The following GLIPR1L2 variants were observed in gnomAD, a reference collection of about 807,000 sequenced individuals.
GLIPR1L2 encodes GLIPR1 like 2, also known as GLIPR1-like protein 2.
In GLIPR1L2, 21 loss-of-function variants were observed where a neutral mutation model predicts 28.4. The ratio of observed to expected loss-of-function variants is 0.74; its 90% CI spans 0.52 to 1.06. The LOEUF (loss-of-function observed/expected upper bound fraction) is 1.06, where lower values mean the gene tolerates loss of function less well. GLIPR1L2 is among the 50% of genes least tolerant of loss of function. The pLI, the probability that GLIPR1L2 is intolerant of heterozygous loss-of-function variation, is 0.00. For missense variants in GLIPR1L2, 476 were observed against 416.9 expected, an observed-to-expected ratio of 1.14 and a Z score of -1.23; for synonymous variants, 145 against 139.3, an observed-to-expected ratio of 1.04 and a Z score of -0.29.
rs749911675 is a variant in GLIPR1L2, at chr12:75,391,246, T to A, written c.130T>A (p.Phe44Ile). The change falls in exon 1 of 6, where the codon TTT (phenylalanine) becomes ATT (isoleucine). Residue 44 changes from phenylalanine (F) to isoleucine (I), a missense_variant. Coordinates refer to ENST00000550916, the MANE Select transcript of GLIPR1L2 (RefSeq NM_001270396.2). ...LLLGSSLNAR[F>I]LPDEEDVDFI... is the part of the protein sequence containing the mutation. ...ACTGGGTTCTAGTTTGAACGCCAGA[T>A]TTTTGCCAGACGAGGAGGACGTAGA... 6.2e-7 allele frequency: 1 copy of A among 1,614,174 alleles called. No individual in the cohort carries two copies. The highest frequency in any genetic ancestry group is 1.1e-5 in the South Asian group (1 of 91,088).
At chr12:75,413,740 G>A in intron 3 of GLIPR1L2, 39 bp downstream of exon 3, 1 of 1,022,154 alleles carries the variant, frequency 9.8e-7, no homozygotes, top group East Asian at 2.7e-5. Context: ...ATAAAAATCA[G>A]AATATTTCAA....
At chr12:75,425,151 T>G (rs899165903) in intron 4 of GLIPR1L2, among the ~76,000 whole-genome samples, 1 of 152,032 alleles carries the variant, frequency 6.6e-6, no homozygotes, top group African/African-American at 2.4e-5. Context: ...AAGATGTCCA[T>G]GCAGGGATGA....
chr12:75,418,535 A>G (rs151261959), intron 3 of GLIPR1L2, among the ~76,000 whole-genome samples: 77 of 152,238 alleles, frequency 5.1e-4, no homozygotes, highest in African/African-American at 1.7e-3. Flanking sequence ...CAAATATCAG[A>G]TGGTTGTAGA....
intron 1 of GLIPR1L2, among the ~76,000 whole-genome samples, chr12:75,405,679 A>G (rs371776791): frequency 3.1e-4 from 47 of 152,186 alleles, no homozygotes; most frequent in African/African-American, 1.1e-3. Context: ...CACTTTCATG[A>G]GAACAGTTTG....
At chr12:75,401,137 A>G (rs2139925813) in intron 1 of GLIPR1L2, among the ~76,000 whole-genome samples, 1 of 151,998 alleles carries the variant, frequency 6.6e-6, no homozygotes, top group South Asian at 2.1e-4. Flanking sequence ...GGAGGGAAAA[A>G]TAGGAAATGA....
At position 75,417,486 on chromosome 12, in the gene GLIPR1L2, G is replaced by C. The variant is rs544549649; in HGVS notation, c.584+3785G>C. 2.3e-3 allele frequency among the ~76,000 whole-genome samples: 345 copies of C among 152,210 alleles called. 1 individual carries two copies. Among genetic ancestry groups the C allele is most frequent in the Middle Eastern group, 0.017 (5 of 294 alleles). ...GTGGTAATTTGTTAATATAGTTACA[G>C]AAAATTAATGCAGAATGGAAGAATA... On this transcript the variant is annotated intron_variant, in intron 3 of 5. Transcript: ENST00000550916.
chr12:75,414,385 A>T (rs1040405092), intron 3 of GLIPR1L2, among the ~76,000 whole-genome samples: 1 of 152,080 alleles, frequency 6.6e-6, no homozygotes, highest in African/African-American at 2.4e-5. Flanking sequence ...GTTTGAATTA[A>T]CATCTTAAAT....
chr12:75,425,732 C>T (rs914278807), intron 4 of GLIPR1L2, among the ~76,000 whole-genome samples: 1 of 151,990 alleles, frequency 6.6e-6, no homozygotes, highest in African/African-American at 2.4e-5. Flanking sequence ...GAGGAGGGCA[C>T]CTATGCGTGC....
intron 1 of GLIPR1L2, among the ~76,000 whole-genome samples, chr12:75,398,270 A>G (rs1284176553): frequency 1.4e-5 from 2 of 138,148 alleles, no homozygotes; most frequent in African/African-American, 2.7e-5. Flanking sequence ...CAGAGGTTGC[A>G]GTGAGCTGAG....
intron 4 of GLIPR1L2, among the ~76,000 whole-genome samples, chr12:75,427,440 A>T (rs1430410047): frequency 3.3e-5 from 5 of 152,340 alleles, no homozygotes; most frequent in Middle Eastern, 3.4e-3. Flanking sequence ...CAAAAGGCTA[A>T]AATAACGGCA....
At chr12:75,403,633 T>C (rs1187809491) in intron 1 of GLIPR1L2, among the ~76,000 whole-genome samples, 1 of 152,168 alleles carries the variant, frequency 6.6e-6, no homozygotes, top group African/African-American at 2.4e-5. Context: ...CTCTGCACAC[T>C]GGCTCCTCTA....
At chr12:75,422,584 G>T (rs113151764) in intron 3 of GLIPR1L2, among the ~76,000 whole-genome samples, 69 of 152,292 alleles carry the variant, frequency 4.5e-4, no homozygotes, top group African/African-American at 1.6e-3. Flanking sequence ...TTACGGGCAT[G>T]AGCCACCGCG....
At chr12:75,408,861 A>G (rs1396957810) in intron 1 of GLIPR1L2, among the ~76,000 whole-genome samples, 1 of 152,000 alleles carries the variant, frequency 6.6e-6, no homozygotes, top group Non-Finnish European at 1.5e-5. Flanking sequence ...ATATGTTTGT[A>G]GATACAGAGA....
intron 4 of GLIPR1L2, among the ~76,000 whole-genome samples, chr12:75,430,395 T>A (rs2046079362): frequency 6.6e-6 from 1 of 152,168 alleles, no homozygotes. Flanking sequence ...TATTGTAGAA[T>A]CCTAGAATGT....
At chr12:75,414,724 G>T (rs2045907414) in intron 3 of GLIPR1L2, among the ~76,000 whole-genome samples, 1 of 152,006 alleles carries the variant, frequency 6.6e-6, no homozygotes, top group African/African-American at 2.4e-5. Context: ...ACTACTGATT[G>T]GTCTTGCAGA....
rs1057173243 is a variant in GLIPR1L2, at chr12:75,407,566, T to C, written c.235-2868T>C. Among the ~76,000 whole-genome samples the C allele has an allele frequency of 2.0e-5, 3 of 152,090 alleles. No homozygotes were observed. The South Asian group carries it at 6.2e-4, about 32-fold the overall frequency. ...GATTAAGATAAATGTCAGGGAAAAT[T>C]GTGAAATACAATATTTTGTGCACTG... On this transcript the variant is annotated intron_variant, in intron 1 of 5. Coordinates refer to ENST00000550916, the MANE Select transcript of GLIPR1L2 (RefSeq NM_001270396.2).
intron 2 of GLIPR1L2, among the ~76,000 whole-genome samples, chr12:75,412,952 CCAA>C (rs1350019930): frequency 6.6e-6 from 1 of 151,912 alleles, no homozygotes; most frequent in African/African-American, 2.4e-5. Flanking sequence ...ACCCAAATGT[CCAA>C]CAACGATAGA....
In GLIPR1L2 at chr12:75,431,120, G is replaced by A. The variant is rs770972888; in HGVS notation, c.994G>A (p.Glu332Lys). The A allele has an allele frequency of 2.1e-6, 2 of 948,840 alleles. No individual in the cohort carries two copies. Among genetic ancestry groups the A allele is most frequent in the Non-Finnish European group, 3.2e-6 (2 of 622,506 alleles). The allele number at this position is 948,840 out of a possible 1,614,324, so 58.8% of individuals were successfully genotyped here. The change falls in exon 6 of 6, where the codon GAG (glutamate) becomes AAG (lysine). Residue 332 changes from glutamate to lysine, a missense_variant. Coordinates refer to ENST00000550916, the MANE Select transcript of GLIPR1L2 (RefSeq NM_001270396.2). ...EEKEEREEEE[E>K]ETQKEKMEEE... is the part of the protein sequence containing the mutation. Reference sequence around the variant, plus strand: ...AAAAGAAGAGAGAGAGGAGGAGGAGGAGGAAACACAAAAAGAAAAGATGGA... The same window carrying A: ...AAAAGAAGAGAGAGAGGAGGAGGAGAAGGAAACACAAAAAGAAAAGATGGA...
chr12:75,416,221 G>T (rs2045922181), intron 3 of GLIPR1L2, among the ~76,000 whole-genome samples: 1 of 152,058 alleles, frequency 6.6e-6, no homozygotes, highest in African/African-American at 2.4e-5. Flanking sequence ...ACTTAGAGAA[G>T]ATCAAAAGAT....
Sources: gnomAD v4.1 joint callset for allele counts (sites outside exome capture counted in the v4.1 genomes callset) on GRCh38, gnomAD v4.1.1 for gene constraint, MANE v1.5 for transcripts, NCBI Gene and HGNC (gene_info 2026-07-23, HGNC 2026-07-21) for gene names.